MKKS: variants seen among roughly 807,000 people sequenced by gnomAD.
The protein encoded by MKKS is MKKS centrosomal shuttling protein, also known as molecular chaperone MKKS.
In MKKS, 29 loss-of-function variants were observed where a neutral mutation model predicts 33.2. The ratio of observed to expected loss-of-function variants is 0.87; its 90% confidence interval spans 0.65 to 1.19. The LOEUF (loss-of-function observed/expected upper bound fraction) is 1.19. MKKS is among the 50% of genes most tolerant of loss of function. MKKS has a pLI of 0.00. For synonymous variants in MKKS, 260 were observed against 244.0 expected (o/e 1.07, Z -0.61); for missense variants, 661 against 662.3 (o/e 1.00, Z 0.02).
intron 1 of MKKS, chr20:10,431,669 T>C (rs1358129830): frequency 6.6e-6 from 1 of 152,162 alleles, no homozygotes. Context: ...TTAGTCTCAA[T>C]CCATTTTTAC....
intron 1 of MKKS, among the ~76,000 whole-genome samples, chr20:10,428,800 C>T (rs772516750): frequency 8.6e-5 from 13 of 152,020 alleles, no homozygotes; most frequent in East Asian, 1.9e-4. Flanking sequence ...GTCGAGATCG[C>T]GCCATTGCAC....
intron 1 of MKKS, among the ~76,000 whole-genome samples, chr20:10,422,698 A>G (rs890416311): frequency 6.0e-5 from 9 of 150,670 alleles, no homozygotes; most frequent in African/African-American, 2.2e-4. Flanking sequence ...ACATGAGGTT[A>G]TCAAGTTATA....
chr20:10,432,074 C>G (rs2065057791), intron 1 of MKKS, among the ~76,000 whole-genome samples: 1 of 152,220 alleles, frequency 6.6e-6, no homozygotes, highest in Admixed American at 6.5e-5. Flanking sequence ...CTGCCAGCCT[C>G]CGTCCATGAT....
chr20:10,408,313 C>T lies in MKKS; in HGVS notation c.1161+315G>A, dbSNP rs1478955202. 3.9e-5 allele frequency among the ~76,000 whole-genome samples: 6 copies of T among 152,266 alleles called. No individual in the cohort carries two copies. In the East Asian group the frequency reaches 1.2e-3, roughly 29 times the overall value. On this transcript the variant is annotated intron_variant, in intron 4 of 5. Transcript: ENST00000347364. Reference sequence around the variant, plus strand: ...GATGATGGGTATTGACTGGGGAACTCATTTTTCCAAGTGAATTATTCATAC... The same window carrying T: ...GATGATGGGTATTGACTGGGGAACTTATTTTTCCAAGTGAATTATTCATAC...
Position 10,412,620 on chromosome 20 carries a change from G to T in MKKS, c.895C>A (p.Pro299Thr). ...ATATTGAGAAACTGCTTCAAAGATG[G>T]ATGTATAACTTTTTGGCACAGGACA... is the stretch of plus-strand genomic sequence containing the variant. ...DLVLCQKVIH[P>T]SLKQFLNMHR... Residue 299 changes from proline (P) to threonine (T), a missense_variant, in exon 3 of 6, where the codon CCA becomes ACA. Transcript: ENST00000347364. The T allele has an allele frequency of 1.9e-6, 3 of 1,614,126 alleles. No individual in the cohort carries two copies. The highest frequency in any genetic ancestry group is 2.2e-5 in the East Asian group (1 of 44,876).
Position 10,419,390 on chromosome 20 carries a change from C to T in MKKS, c.-418+1138G>A, listed in dbSNP as rs530287307. Among the ~76,000 whole-genome samples the T allele has an allele frequency of 2.6e-5, 4 of 151,962 alleles. 1 individual carries two copies. Among genetic ancestry groups the T allele is most frequent in the East Asian group, 1.9e-4 (1 of 5,184 alleles). On this transcript the variant is annotated intron_variant, in intron 2 of 5. Transcript: ENST00000347364. ...TCAATATAATCATAATATAGTATAA[C>T]GCTATATTATAGTAAATCAAACGTG...
At chr20:10,431,095 T>G (rs2065050898) in intron 1 of MKKS, among the ~76,000 whole-genome samples, 2 of 152,182 alleles carry the variant, frequency 1.3e-5, no homozygotes, top group African/African-American at 2.4e-5. Context: ...GCCTAGCATG[T>G]GGGAAGTGCT....
chr20:10,426,069 T>C (rs1351121173), intron 1 of MKKS, among the ~76,000 whole-genome samples: 1 of 152,378 alleles, frequency 6.6e-6, no homozygotes, highest in African/African-American at 2.4e-5. Flanking sequence ...CTCAAAAGTA[T>C]GGTCTTAAAT....
In MKKS at chr20:10,413,395, T is replaced by G; in HGVS notation, c.120A>C (p.Ser40=). The G allele has an allele frequency of 6.2e-7, 1 of 1,612,974 alleles. No homozygotes were observed. The highest frequency in any genetic ancestry group is 8.5e-7 in the Non-Finnish European group (1 of 1,178,938). The change falls in exon 3 of 6, where the codon TCA becomes TCC. Residue 40 remains serine, a synonymous_variant. Coordinates refer to ENST00000347364, the MANE Select transcript of MKKS (RefSeq NM_170784.3). ...CATTGTGCAGCTGCTTCAGCCTACC[T>G]GAGGGGCCATAGCATGATGTTACAA... ...KRIVTSCYGP[S]GRLKQLHNGF...
chr20:10,427,740 A>G (rs1423728800), intron 1 of MKKS, among the ~76,000 whole-genome samples: 1 of 152,240 alleles, frequency 6.6e-6, no homozygotes, highest in Non-Finnish European at 1.5e-5. Context: ...ATCACCTAAA[A>G]TAACACTCAT....
chr20:10,411,028 C>T (rs1244400182), intron 3 of MKKS, among the ~76,000 whole-genome samples: 2 of 150,906 alleles, frequency 1.3e-5, no homozygotes, highest in Non-Finnish European at 1.5e-5. Flanking sequence ...CTTGCTGTCA[C>T]CAGGCTGGAG....
In MKKS at chr20:10,401,134, T is replaced by C. The variant is rs2064809917; in HGVS notation, c.*4113A>G. 6.6e-6 allele frequency: 1 copy of C among 152,238 alleles called. No individual in the cohort carries two copies. The highest frequency in any genetic ancestry group is 1.5e-5 in the Non-Finnish European group (1 of 68,042). The allele number at this position is 152,238 out of a possible 1,614,324, so 9.4% of individuals were successfully genotyped here. A position where few individuals can be genotyped will look rare whatever the true frequency, so the allele number is the denominator to read the frequency against. On this transcript the variant is annotated 3_prime_UTR_variant, in exon 6 of 6. Coordinates refer to ENST00000347364, the MANE Select transcript of MKKS (RefSeq NM_170784.3). Reference sequence around the variant, plus strand: ...TCATTACAGGTAATATAGTATTCTATGGATTTTAGTGCGCCAAGACTAATC... The same window carrying C: ...TCATTACAGGTAATATAGTATTCTACGGATTTTAGTGCGCCAAGACTAATC...
intron 5 of MKKS, among the ~76,000 whole-genome samples, chr20:10,406,565 T>C (rs2064845545): frequency 2.0e-5 from 3 of 152,186 alleles, no homozygotes; most frequent in African/African-American, 4.8e-5. Context: ...AAGTACACTC[T>C]ATATTGTTTG....
At chr20:10,408,954 A>G in intron 3 of MKKS, 151 bp from the exon 4 acceptor site, 1 of 628,048 alleles carries the variant, frequency 1.6e-6, no homozygotes, top group Non-Finnish European at 2.7e-6. Flanking sequence ...GAATATTCCT[A>G]AACTGCTAAG....
chr20:10,401,325 A>C lies in MKKS; in HGVS notation c.*3922T>G, dbSNP rs1369586865. 1 of 152,184 alleles carries C rather than the reference A, an allele frequency of 6.6e-6. No homozygotes were observed. The highest frequency in any genetic ancestry group is 1.5e-5 in the Non-Finnish European group (1 of 68,020). 9.4% of individuals were successfully genotyped at this position (152,184 alleles called of 1,614,324 possible). On this transcript the variant is annotated 3_prime_UTR_variant, in exon 6 of 6. Coordinates refer to ENST00000347364, the MANE Select transcript of MKKS (RefSeq NM_170784.3). ...GTGCATCTAAATTCAAATTCTGTAG[A>C]TGATTGGCAAAAACTTCCATTATGG...
chr20:10,412,476 C>A, intron 3 of MKKS, 54 bp downstream of exon 3: 1 of 1,582,546 alleles, frequency 6.3e-7, no homozygotes, highest in South Asian at 1.1e-5. Context: ...TATCTCTGCT[C>A]AAAAAAGTGT....
chr20:10,413,112 T>C lies in MKKS; in HGVS notation c.403A>G (p.Thr135Ala). 1 of 1,614,048 alleles carries C rather than the reference T, an allele frequency of 6.2e-7. No individual in the cohort carries two copies. The highest frequency in any genetic ancestry group is 8.5e-7 in the Non-Finnish European group (1 of 1,180,030). The change falls in exon 3 of 6, where the codon ACC (threonine) becomes GCC (alanine). Residue 135 changes from threonine to alanine, a missense_variant. Thr to Ala is a moderately conservative substitution (Grantham distance 58). Transcript: ENST00000347364. ...SLCISYLKSE[T>A]CGCRIPVDFS... ...TCCACTGGGATTCGACAACCACAGG[T>C]CTCAGACTTGAGATAACTGATGCAA...
Position 10,405,255 on chromosome 20 carries a change from T to TA in MKKS, c.1704dup (p.Lys569Ter). On this transcript the variant is annotated frameshift_variant, in exon 6 of 6. Coordinates refer to ENST00000347364, the MANE Select transcript of MKKS (RefSeq NM_170784.3). LOFTEE classifies it high-confidence loss of function. ...ACGAACATGCTATTCTCTTAGTTTT[T>TA]ATCTTCAATAACATATGAAAGATCC... The TA allele has an allele frequency of 6.2e-7, 1 of 1,610,122 alleles. No individual in the cohort carries two copies. The highest frequency in any genetic ancestry group is 8.5e-7 in the Non-Finnish European group (1 of 1,177,772).
chr20:10,411,928 A>G (rs1327845450), intron 3 of MKKS, among the ~76,000 whole-genome samples: 1 of 152,230 alleles, frequency 6.6e-6, no homozygotes, highest in South Asian at 2.1e-4. Context: ...ATTACCAAAT[A>G]TATTTCGGTC....
Sources: gnomAD v4.1 joint callset for allele counts (sites outside exome capture counted in the v4.1 genomes callset) on GRCh38, gnomAD v4.1.1 for gene constraint, MANE v1.5 for transcripts, NCBI Gene and HGNC (gene_info 2026-07-23, HGNC 2026-07-21) for gene names.